STAG2: variants seen among roughly 807,000 people sequenced by gnomAD.
STAG2 encodes cohesin subunit SA-2.
STAG2 carries 14 observed loss-of-function variants against 108.1 expected under a neutral mutation model. That is an observed-to-expected ratio of 0.13 (90% CI 0.09 to 0.20). The LOEUF (loss-of-function observed/expected upper bound fraction) is 0.20, where lower values mean the gene tolerates loss of function less well. Among genes scored for constraint, STAG2 ranks in the 10% least tolerant of loss-of-function variants. STAG2 has a pLI of 1.00. For synonymous variants in STAG2, 307 were observed against 302.7 expected (o/e 1.01, Z -0.15); for missense variants, 440 against 940.9 (o/e 0.47, Z 6.96).
At chrX:124,025,718 T>C (rs779713584) in intron 3 of STAG2, 122 bp from the exon 4 acceptor site, 113 of 420,654 alleles carry the variant, frequency 2.7e-4, no homozygotes, top group African/African-American at 2.2e-3. Flanking sequence ...TAATTACTTA[T>C]AATGCTAATA....
chrX:124,006,587 C>T (rs946930918), intron 1 of STAG2, among the ~76,000 whole-genome samples: 45 of 109,436 alleles, frequency 4.1e-4, no homozygotes, highest in African/African-American at 1.4e-3. Flanking sequence ...TACAGGTGCC[C>T]ACCACCACGC....
At chrX:124,060,603 G>A (rs1385943940) in intron 15 of STAG2, among the ~76,000 whole-genome samples, 19 of 111,830 alleles carry the variant, frequency 1.7e-4, no homozygotes. Flanking sequence ...CAAATAAGCA[G>A]TAAGTATGTA....
intron 32 of STAG2, among the ~76,000 whole-genome samples, chrX:124,092,533 A>G (rs1352975060): frequency 3.6e-5 from 4 of 111,604 alleles, no homozygotes; most frequent in Non-Finnish European, 7.5e-5. Flanking sequence ...TACCATTTTA[A>G]TTCCCAATTA....
intron 1 of STAG2, among the ~76,000 whole-genome samples, chrX:124,005,540 G>T (rs1210560395): frequency 9.0e-6 from 1 of 111,656 alleles, no homozygotes; most frequent in Non-Finnish European, 1.9e-5. Context: ...CATTTTCATG[G>T]AGTCATATAA....
At chrX:123,967,104 C>G (rs914995827) in intron 1 of STAG2, among the ~76,000 whole-genome samples, 4 of 110,119 alleles carry the variant, frequency 3.6e-5, no homozygotes, top group Non-Finnish European at 7.6e-5. Flanking sequence ...AGGGTGGTCT[C>G]AAACTCCTGA....
intron 1 of STAG2, among the ~76,000 whole-genome samples, chrX:124,020,163 G>T (rs1004117227): frequency 8.9e-6 from 1 of 112,024 alleles, no homozygotes; most frequent in African/African-American, 3.2e-5. Flanking sequence ...CCAGTATATC[G>T]CACAATATTC....
chrX:124,021,617 A>G (rs186647569), intron 2 of STAG2, among the ~76,000 whole-genome samples, 186 bp downstream of exon 2: 1 of 111,946 alleles, frequency 8.9e-6, no homozygotes, highest in Non-Finnish European at 1.9e-5. Context: ...TGTTGTTCGT[A>G]TGAAATTATT....
chrX:124,092,825 C>T (rs930986399), intron 32 of STAG2, among the ~76,000 whole-genome samples: 3 of 112,192 alleles, frequency 2.7e-5, no homozygotes, highest in African/African-American at 9.7e-5. Context: ...GTTCATACAG[C>T]ACATATATTC....
chrX:124,029,507 C>T (rs1456250969), intron 4 of STAG2, among the ~76,000 whole-genome samples: 1 of 110,546 alleles, frequency 9.0e-6, no homozygotes, highest in African/African-American at 3.3e-5. Flanking sequence ...GACAGGGCTT[C>T]ACCGTGTTGG....
chrX:124,073,192 A>G (rs889658014), intron 25 of STAG2, among the ~76,000 whole-genome samples: 9 of 111,273 alleles, frequency 8.1e-5, no homozygotes, highest in African/African-American at 2.9e-4. Flanking sequence ...ACTTTATAAA[A>G]CGTCTTTTTT....
At chrX:123,992,264 G>A (rs1054877449) in intron 1 of STAG2, among the ~76,000 whole-genome samples, 1 of 111,076 alleles carries the variant, frequency 9.0e-6, no homozygotes, top group African/African-American at 3.3e-5. Context: ...CACCTCTGAA[G>A]AATTCAGCAT....
chrX:124,081,336 C>A lies in STAG2; in HGVS notation c.2776-44C>A, dbSNP rs1304224340. ...GTAATATTTTAAAAGATGTTAATCT[C>A]CAGGTATTAAGAACTTTAACATGCT... On this transcript the variant is annotated intron_variant, in intron 27 of 34. Transcript: ENST00000371145. The A allele has an allele frequency of 6.6e-6, 6 of 908,604 alleles. No individual in the cohort carries two copies. In the African/African-American group the frequency reaches 1.0e-4, roughly 15 times the overall value. 74.9% of individuals were successfully genotyped at this position (908,604 alleles called of 1,213,427 possible).
chrX:124,018,282 G>A (rs1403738977), intron 1 of STAG2, among the ~76,000 whole-genome samples: 4 of 112,181 alleles, frequency 3.6e-5, no homozygotes, highest in East Asian at 2.8e-4. Context: ...TTAATAACCC[G>A]CAATAGTGCA....
upstream of STAG2, chrX:123,961,241 TC>T (rs1434787717): frequency 2.8e-5 from 3 of 105,482 alleles, no homozygotes; most frequent in Admixed American, 1.0e-4. Flanking sequence ...TCGACTACCC[TC>T]GCTGAAGATT....
chrX:124,001,224 G>A (rs1374051625), intron 1 of STAG2, among the ~76,000 whole-genome samples: 1 of 110,557 alleles, frequency 9.0e-6, no homozygotes, highest in African/African-American at 3.3e-5. Context: ...CCGAGTAGCT[G>A]GGACTACAGG....
At chrX:123,995,831 G>T (rs1234955163) in intron 1 of STAG2, among the ~76,000 whole-genome samples, 6 of 112,408 alleles carry the variant, frequency 5.3e-5, no homozygotes, top group Non-Finnish European at 1.1e-4. Context: ...AGACCTGTTT[G>T]GTTCCTGATT....
In STAG2 at chrX:124,064,003, T is replaced by C. The variant is rs962117717; in HGVS notation, c.1977T>C (p.Asp659=). 7 of 1,208,931 alleles carry C rather than the reference T, an allele frequency of 5.8e-6. No homozygotes were observed. The highest frequency in any genetic ancestry group is 7.8e-6 in the Non-Finnish European group (7 of 894,540). Residue 659 remains aspartate (D), a synonymous_variant, in exon 20 of 35, where the codon GAT becomes GAC. Transcript: ENST00000371145. ...ATATTTCAAGAAGTCAACTGATAGATGAATTGGCAGATAAATTTAACCGGC... is the reference window on the plus strand; with the variant it reads ...ATATTTCAAGAAGTCAACTGATAGACGAATTGGCAGATAAATTTAACCGGC... ...RVDISRSQLI[D]ELADKFNRLL...
At chrX:124,018,744 TC>T (rs1443270804) in intron 1 of STAG2, among the ~76,000 whole-genome samples, 8 of 111,139 alleles carry the variant, frequency 7.2e-5, no homozygotes, top group African/African-American at 2.0e-4. Context: ...TAAGCCATTC[TC>T]CAACCTCATC....
chrX:123,981,460 G>A (rs1251921324), intron 1 of STAG2, among the ~76,000 whole-genome samples: 1 of 111,534 alleles, frequency 9.0e-6, no homozygotes, highest in Non-Finnish European at 1.9e-5. Context: ...GGTGATACAT[G>A]TTGTAACGTT....
Sources: allele counts gnomAD v4.1 joint callset (sites outside exome capture counted in the v4.1 genomes callset), GRCh38; gene constraint gnomAD v4.1.1; transcripts MANE v1.5; gene names NCBI Gene and HGNC (gene_info 2026-07-23, HGNC 2026-07-21).